The following VPS13A variants were observed in gnomAD, a reference collection of about 807,000 sequenced individuals.
The protein encoded by VPS13A is intermembrane lipid transfer protein VPS13A.
In VPS13A, 264 loss-of-function variants were observed where a neutral mutation model predicts 390.9. That is an observed-to-expected ratio of 0.68 (90% CI 0.61 to 0.75). The LOEUF (loss-of-function observed/expected upper bound fraction) is 0.75. VPS13A is among the 30% of genes least tolerant of loss of function. VPS13A has a pLI of 0.00. For missense variants in VPS13A, 3,409 were observed against 3,733.9 expected (o/e 0.91, Z 2.27); for synonymous variants, 1,231 against 1,227.1 (o/e 1.00, Z -0.07).
intron 17 of VPS13A, among the ~76,000 whole-genome samples, chr9:77,232,458 A>T (rs1008145098): frequency 6.6e-6 from 1 of 152,164 alleles, no homozygotes; most frequent in Non-Finnish European, 1.5e-5. Flanking sequence ...AGAGTTTCAG[A>T]AGGATTGTTA....
chr9:77,203,490 G>GT, intron 3 of VPS13A, among the ~76,000 whole-genome samples: 1 of 152,258 alleles, frequency 6.6e-6, no homozygotes, highest in South Asian at 2.1e-4. Flanking sequence ...GTTTTGCCAT[G>GT]TTGCCCAGGC....
chr9:77,252,119 C>G, intron 21 of VPS13A, 116 bp from the exon 22 acceptor site: 1 of 833,666 alleles, frequency 1.2e-6, no homozygotes, highest in East Asian at 2.5e-5. Flanking sequence ...ATTAAGATTA[C>G]CTAGATGTGG....
rs566107182 is a variant in VPS13A at position 77,345,608 on chromosome 9, A to G, written c.7289+466A>G. On this transcript the variant is annotated intron_variant, in intron 52 of 71. Transcript: ENST00000360280. ...TCATGGTTTAGGACTACTCTTCAAC[A>G]TTATTCATTTTATTTGCTGTTATAT... Among the ~76,000 whole-genome samples, 3 of 152,224 alleles carry G rather than the reference A, an allele frequency of 2.0e-5. No individual in the cohort carries two copies. In the East Asian group the frequency reaches 5.8e-4, roughly 29 times the overall value.
chr9:77,405,599 T>C (rs550058202), intron 69 of VPS13A, among the ~76,000 whole-genome samples: 6 of 152,370 alleles, frequency 3.9e-5, no homozygotes, highest in African/African-American at 1.4e-4. Flanking sequence ...TTGAGATTCT[T>C]TGACCCCTGG....
At chr9:77,209,284 G>A in intron 5 of VPS13A, 139 bp from the exon 6 acceptor site, 1 of 640,948 alleles carries the variant, frequency 1.6e-6, no homozygotes, top group South Asian at 2.1e-5. Flanking sequence ...AAAGACTTTT[G>A]GAAAGCAAGC....
chr9:77,239,933 A>G (rs544968025), intron 19 of VPS13A, among the ~76,000 whole-genome samples: 43 of 152,064 alleles, frequency 2.8e-4, no homozygotes, highest in Non-Finnish European at 5.1e-4. Flanking sequence ...AAAATTTTAT[A>G]TTCTCCTAGT....
chr9:77,404,936 T>G (rs147953713), intron 69 of VPS13A, among the ~76,000 whole-genome samples: 1 of 151,804 alleles, frequency 6.6e-6, no homozygotes, highest in African/African-American at 2.4e-5. Context: ...AAGTGAGAGA[T>G]AGATATAAAT....
chr9:77,314,797 C>G, intron 37 of VPS13A, 133 bp downstream of exon 37: 7 of 802,816 alleles, frequency 8.7e-6, no homozygotes, highest in South Asian at 4.5e-5. Context: ...TCAGTCAGCT[C>G]GTAGTACTCG....
chr9:77,352,494 G>C (rs1193325485), intron 53 of VPS13A, among the ~76,000 whole-genome samples: 1 of 151,836 alleles, frequency 6.6e-6, no homozygotes, highest in African/African-American at 2.4e-5. Flanking sequence ...ATTACTATTA[G>C]ATTTATTCAG....
chr9:77,179,371 A>G (rs565540260), intron 1 of VPS13A, among the ~76,000 whole-genome samples: 1 of 152,280 alleles, frequency 6.6e-6, no homozygotes, highest in East Asian at 1.9e-4. Flanking sequence ...GCTCCTTTGC[A>G]GTTGATCTCA....
Position 77,247,201 on chromosome 9 carries a change from CTGTATT to C in VPS13A, c.1901-56_1901-51del. The C allele has an allele frequency of 2.9e-6, 4 of 1,379,766 alleles. No homozygotes were observed. The South Asian group carries it at 5.5e-5, about 19-fold the overall frequency. 85.5% of individuals were successfully genotyped at this position (1,379,766 alleles called of 1,614,324 possible). A position where few individuals can be genotyped will look rare whatever the true frequency, so the allele number is the denominator to read the frequency against. On this transcript the variant is annotated intron_variant, in intron 19 of 71. Transcript: ENST00000360280. ...TTATCAGTTCATATATTTAGTGATT[CTGTATT>C]TCTCGAGTAATTTGTGAAAAGTATT...
chr9:77,380,906 G>A (rs1357308012), intron 67 of VPS13A, among the ~76,000 whole-genome samples: 2 of 152,210 alleles, frequency 1.3e-5, no homozygotes, highest in Admixed American at 1.3e-4. Flanking sequence ...AGGAGGTGGA[G>A]CTCAGGCAGT....
chr9:77,284,980 C>G (rs899856317), intron 31 of VPS13A, among the ~76,000 whole-genome samples: 2 of 152,106 alleles, frequency 1.3e-5, no homozygotes, highest in Non-Finnish European at 2.9e-5. Flanking sequence ...GCTGGTATTA[C>G]AAGCATGAGC....
At chr9:77,211,587 C>T (rs1254175489) in intron 7 of VPS13A, 2 of 152,088 alleles carry the variant, frequency 1.3e-5, no homozygotes, top group African/African-American at 2.4e-5. Flanking sequence ...TCCACAGTTT[C>T]TTTTTAAAAT....
intron 62 of VPS13A, among the ~76,000 whole-genome samples, chr9:77,368,683 A>T (rs1832577665): frequency 6.6e-6 from 1 of 152,176 alleles, no homozygotes; most frequent in African/African-American, 2.4e-5. Context: ...CATCTGACTT[A>T]TATGTTTCTC....
At chr9:77,203,678 G>T (rs1825466432) in intron 3 of VPS13A, among the ~76,000 whole-genome samples, 1 of 152,110 alleles carries the variant, frequency 6.6e-6, no homozygotes, top group Non-Finnish European at 1.5e-5. Flanking sequence ...ATTGCTCTTT[G>T]TCCTTTTGTT....
chr9:77,409,107 GAACA>G (rs1482747455), intron 71 of VPS13A, among the ~76,000 whole-genome samples: 8 of 152,204 alleles, frequency 5.3e-5, no homozygotes, highest in African/African-American at 1.9e-4. Context: ...ACTTCCAGAG[GAACA>G]ATCAGGCAGC....
At chr9:77,404,797 G>C (rs1428142269) in intron 69 of VPS13A, among the ~76,000 whole-genome samples, 10 of 152,186 alleles carry the variant, frequency 6.6e-5, no homozygotes, top group African/African-American at 2.4e-4. Context: ...ACTGGGAATA[G>C]CTGCTACATT....
intron 39 of VPS13A, among the ~76,000 whole-genome samples, chr9:77,316,950 TCTTTTCAAGTTAACTG>T (rs1829433057): frequency 7.8e-6 from 1 of 128,810 alleles, no homozygotes; most frequent in Non-Finnish European, 1.8e-5. Flanking sequence ...TTTACAGACA[TCTTTTCAAGTTAACTG>T]GCTGACTTCC....
Sources: gnomAD v4.1 joint callset for allele counts (sites outside exome capture counted in the v4.1 genomes callset) on GRCh38, gnomAD v4.1.1 for gene constraint, MANE v1.5 for transcripts, NCBI Gene and HGNC (gene_info 2026-07-23, HGNC 2026-07-21) for gene names.